The following SNTG1 variants were observed in gnomAD, a reference collection of about 807,000 sequenced individuals.
SNTG1 encodes gamma-1-syntrophin.
SNTG1 carries 39 observed loss-of-function variants against 74.7 expected under a neutral mutation model. That is an observed-to-expected ratio of 0.52 (90% confidence interval 0.40 to 0.68). The LOEUF (loss-of-function observed/expected upper bound fraction) is 0.68. SNTG1 is among the 30% of genes least tolerant of loss of function. SNTG1 has a pLI of 0.00. For missense variants in SNTG1, 685 were observed against 609.5 expected (o/e 1.12, Z -1.30); for synonymous variants, 254 against 217.1 (o/e 1.17, Z -1.49).
At chr8:50,257,367 T>G (rs549598571) in intron 2 of SNTG1, among the ~76,000 whole-genome samples, 1 of 152,144 alleles carries the variant, frequency 6.6e-6, no homozygotes, top group South Asian at 2.1e-4. Flanking sequence ...AGAGTAGGGG[T>G]GCCCCTCCGT....
At chr8:50,017,229 G>T (rs1025594632) in intron 1 of SNTG1, among the ~76,000 whole-genome samples, 2 of 151,814 alleles carry the variant, frequency 1.3e-5, no homozygotes, top group African/African-American at 4.8e-5. Context: ...AAATACAATT[G>T]TATAAGCAAT....
At chr8:50,156,905 C>T (rs575710096) in intron 1 of SNTG1, among the ~76,000 whole-genome samples, 1 of 152,250 alleles carries the variant, frequency 6.6e-6, no homozygotes, top group African/African-American at 2.4e-5. Flanking sequence ...CAACTGAACT[C>T]ACAAGCACTG....
chr8:49,967,686 AAATAGCTTTTTC>A (rs1283348396), intron 1 of SNTG1, among the ~76,000 whole-genome samples: 3 of 152,244 alleles, frequency 2.0e-5, no homozygotes, highest in Admixed American at 2.0e-4. Flanking sequence ...CCTTTCTCTG[AAATAGCTTTTTC>A]ATTTGTAGTG....
intron 17 of SNTG1, among the ~76,000 whole-genome samples, chr8:50,730,496 A>G (rs772127791): frequency 2.6e-4 from 40 of 152,186 alleles, no homozygotes; most frequent in Non-Finnish European, 5.7e-4. Context: ...CAAAAGCTTT[A>G]TGCATTAACG....
intron 2 of SNTG1, among the ~76,000 whole-genome samples, chr8:50,305,749 A>G (rs988765790): frequency 4.1e-4 from 62 of 152,190 alleles, no homozygotes; most frequent in Non-Finnish European, 6.5e-4. Context: ...TACTCATAAT[A>G]AAGTTTAAGG....
chr8:50,220,762 G>A (rs1425377400), intron 2 of SNTG1, among the ~76,000 whole-genome samples: 2 of 152,204 alleles, frequency 1.3e-5, no homozygotes, highest in South Asian at 2.1e-4. Flanking sequence ...GATACATGCA[G>A]TAGTGCTTTT....
intron 15 of SNTG1, among the ~76,000 whole-genome samples, chr8:50,689,560 G>T (rs1585539000): frequency 6.6e-6 from 1 of 152,010 alleles, no homozygotes; most frequent in Admixed American, 6.6e-5. Flanking sequence ...TTATTGATTT[G>T]CATATGTTGA....
rs543545350 is a variant in SNTG1 at position 50,461,497 on chromosome 8, A to ATG, written c.363+10768_363+10769insTG. The stretch of plus-strand genomic sequence containing the variant: ...TACATAATTATTTAGAATTCTGTTA[A>ATG]CATAGATTTATCTATTTTCTCAATT... On this transcript the variant is annotated intron_variant, in intron 8 of 18. Coordinates refer to ENST00000642720, the MANE Select transcript of SNTG1 (RefSeq NM_018967.5). Among the ~76,000 whole-genome samples, 234 of 152,284 alleles carry ATG rather than the reference A, an allele frequency of 1.5e-3. 2 individuals carry two copies. Among genetic ancestry groups the ATG allele is most frequent in the African/African-American group, 4.9e-3 (204 of 41,570 alleles).
At chr8:50,225,435 C>G (rs1474974458) in intron 2 of SNTG1, among the ~76,000 whole-genome samples, 4 of 152,106 alleles carry the variant, frequency 2.6e-5, no homozygotes, top group Non-Finnish European at 4.4e-5. Flanking sequence ...TGTTTGAATT[C>G]ACCTATGACC....
At chr8:50,488,797 C>A (rs1233042632) in intron 8 of SNTG1, among the ~76,000 whole-genome samples, 1 of 152,126 alleles carries the variant, frequency 6.6e-6, no homozygotes, top group East Asian at 1.9e-4. Flanking sequence ...TTTTATTACA[C>A]TTTAAGTTCT....
chr8:50,705,166 C>A (rs1382614516), intron 16 of SNTG1, among the ~76,000 whole-genome samples: 1 of 152,148 alleles, frequency 6.6e-6, no homozygotes, highest in Non-Finnish European at 1.5e-5. Context: ...CAAAGCCACA[C>A]AGAGTTTTTG....
At chr8:49,916,324 G>A (rs116388400) in intron 1 of SNTG1, among the ~76,000 whole-genome samples, 2 of 152,168 alleles carry the variant, frequency 1.3e-5, no homozygotes, top group African/African-American at 2.4e-5. Context: ...AATTTTCACC[G>A]TGAAGTTTCT....
chr8:50,518,178 A>C (rs922793203), intron 9 of SNTG1, among the ~76,000 whole-genome samples: 1 of 152,230 alleles, frequency 6.6e-6, no homozygotes, highest in African/African-American at 2.4e-5. Flanking sequence ...AACTACATGG[A>C]AAATGAACAA....
At chr8:50,534,066 T>G (rs980585331) in intron 10 of SNTG1, among the ~76,000 whole-genome samples, 1 of 152,200 alleles carries the variant, frequency 6.6e-6, no homozygotes, top group Non-Finnish European at 1.5e-5. Context: ...ATACCTGAAG[T>G]TATATAACCA....
intron 12 of SNTG1, among the ~76,000 whole-genome samples, chr8:50,584,752 C>T (rs2094636181): frequency 6.6e-6 from 1 of 152,036 alleles, no homozygotes; most frequent in Non-Finnish European, 1.5e-5. Flanking sequence ...AAGGATGATG[C>T]ATTAGTGTGC....
In SNTG1 at chr8:50,259,519, AGAAAGAAAGAAAG is replaced by A. The variant is rs1563810363; in HGVS notation, c.-28+86885_-28+86897del. Among the ~76,000 whole-genome samples the A allele has an allele frequency of 3.4e-3, 48 of 14,126 alleles. 9 individuals carry two copies. The highest frequency in any genetic ancestry group is 4.1e-3 in the African/African-American group (43 of 10,430). 9.3% of individuals were successfully genotyped at this position (14,126 alleles called of 152,430 possible). ...GTCTCAAAAAAAAAAAAAGAAAGAAAGAAAGAAAGAAAGAAAGAAAGAAAGAAAGAAAGAAAGA... is the reference window on the plus strand; with the variant it reads ...GTCTCAAAAAAAAAAAAAGAAAGAAAAAAGAAAGAAAGAAAGAAAGAAAGA... On this transcript the variant is annotated intron_variant, in intron 2 of 18. Transcript: ENST00000642720.
intron 15 of SNTG1, among the ~76,000 whole-genome samples, chr8:50,685,740 C>A (rs1330485053): frequency 1.3e-5 from 2 of 152,126 alleles, no homozygotes; most frequent in Non-Finnish European, 2.9e-5. Flanking sequence ...AATTCAGACA[C>A]TTTTGTGGGC....
At chr8:50,731,700 T>C (rs1415145654) in intron 17 of SNTG1, among the ~76,000 whole-genome samples, 1 of 152,114 alleles carries the variant, frequency 6.6e-6, no homozygotes, top group Non-Finnish European at 1.5e-5. Context: ...CTACATGCTA[T>C]CAAAAATGGT....
intron 2 of SNTG1, among the ~76,000 whole-genome samples, chr8:50,329,826 T>A (rs1015286833): frequency 1.3e-5 from 2 of 152,178 alleles, no homozygotes; most frequent in Non-Finnish European, 2.9e-5. Context: ...TTTTTTTCTA[T>A]TGCATCGTCA....
Sources: allele counts gnomAD v4.1 joint callset (sites outside exome capture counted in the v4.1 genomes callset), GRCh38; gene constraint gnomAD v4.1.1; transcripts MANE v1.5; gene names NCBI Gene and HGNC (gene_info 2026-07-23, HGNC 2026-07-21).